Variants in WDR70 observed in about 807,000 individuals in gnomAD.
WDR70 encodes the protein WD repeat-containing protein 70.
Under a neutral mutation model 88.6 loss-of-function variants are expected in WDR70, and 53 were observed. The observed-to-expected ratio is 0.60, with a 90% confidence interval of 0.48 to 0.75. The LOEUF is 0.75. WDR70 is among the 30% of genes least tolerant of loss of function. WDR70 has a pLI of 0.00. For missense variants in WDR70, 610 were observed against 823.2 expected, an observed-to-expected ratio of 0.74 and a Z score of 3.17; for synonymous variants, 280 against 270.0, an observed-to-expected ratio of 1.04 and a Z score of -0.36.
At chr5:37,457,676 AAG>A (rs1738884832) in intron 7 of WDR70, among the ~76,000 whole-genome samples, 1 of 152,206 alleles carries the variant, frequency 6.6e-6, no homozygotes, top group Admixed American at 6.5e-5. Flanking sequence ...TTTTCAGCAC[AAG>A]AGTCTGATAA....
chr5:37,431,883 A>G (rs761371656), intron 5 of WDR70, among the ~76,000 whole-genome samples: 31 of 152,188 alleles, frequency 2.0e-4, no homozygotes, highest in Admixed American at 5.9e-4. Flanking sequence ...CATGTGTCGG[A>G]ATTTTCTTTC....
At chr5:37,416,456 G>A (rs558022684) in intron 5 of WDR70, among the ~76,000 whole-genome samples, 1 of 152,200 alleles carries the variant, frequency 6.6e-6, no homozygotes, top group South Asian at 2.1e-4. Context: ...CGAGATGGCA[G>A]CAGTACAGTC....
intron 9 of WDR70, among the ~76,000 whole-genome samples, chr5:37,526,876 C>T (rs1039760253): frequency 6.6e-6 from 1 of 152,292 alleles, no homozygotes; most frequent in Admixed American, 6.5e-5. Context: ...AACTCCCATT[C>T]ACAATTGCTT....
At chr5:37,463,217 A>G (rs990212824) in intron 7 of WDR70, among the ~76,000 whole-genome samples, 1 of 151,970 alleles carries the variant, frequency 6.6e-6, no homozygotes, top group African/African-American at 2.4e-5. Flanking sequence ...GGTTGCAGTG[A>G]GCTGAGATCG....
rs76729914 is a variant in WDR70 at position 37,413,255 on chromosome 5, A to C, written c.492+16685A>C. 8.6e-3 allele frequency among the ~76,000 whole-genome samples: 1,315 copies of C among 152,268 alleles called. 21 individuals are homozygous for C. The highest frequency in any genetic ancestry group is 0.03 in the African/African-American group (1,242 of 41,554). ...ATCCAGTTTTTCCCTTTGCCTGTCTATAGTGGAAGGAAAAAAAAGAATCTT... is the reference window on the plus strand; with the variant it reads ...ATCCAGTTTTTCCCTTTGCCTGTCTCTAGTGGAAGGAAAAAAAAGAATCTT... On this transcript the variant is annotated intron_variant, in intron 5 of 17. Coordinates refer to ENST00000265107, the MANE Select transcript of WDR70 (RefSeq NM_018034.4).
At chr5:37,438,731 C>A (rs1750559728) in intron 6 of WDR70, among the ~76,000 whole-genome samples, 2 of 151,924 alleles carry the variant, frequency 1.3e-5, no homozygotes, top group South Asian at 4.2e-4. Flanking sequence ...CAGGGTCATT[C>A]TTACAGTTTT....
chr5:37,693,709 G>C (rs1746887997), intron 10 of WDR70, among the ~76,000 whole-genome samples: 1 of 152,166 alleles, frequency 6.6e-6, no homozygotes, highest in Admixed American at 6.5e-5. Context: ...ATTAATTCAA[G>C]ATGGATTAAA....
At chr5:37,676,424 C>A (rs57214650) in intron 10 of WDR70, among the ~76,000 whole-genome samples, 4 of 151,912 alleles carry the variant, frequency 2.6e-5, no homozygotes, top group Non-Finnish European at 4.4e-5. Flanking sequence ...TACCTAATTT[C>A]TTGAGAGTTT....
intron 10 of WDR70, among the ~76,000 whole-genome samples, chr5:37,680,359 T>C (rs1399336611): frequency 6.6e-6 from 1 of 152,224 alleles, no homozygotes; most frequent in African/African-American, 2.4e-5. Context: ...GTCTGTTTAC[T>C]CTGTTGATAG....
intron 10 of WDR70, among the ~76,000 whole-genome samples, chr5:37,687,330 G>A (rs995231324): frequency 6.6e-6 from 1 of 152,090 alleles, no homozygotes; most frequent in Non-Finnish European, 1.5e-5. Flanking sequence ...AAGACATTGT[G>A]CCTCTTTGTT....
chr5:37,671,763 T>A (rs1479701788), intron 10 of WDR70, among the ~76,000 whole-genome samples: 1 of 152,188 alleles, frequency 6.6e-6, no homozygotes, highest in Admixed American at 6.5e-5. Flanking sequence ...ACTGACTGAC[T>A]TTTGGTACCA....
At chr5:37,499,468 T>C (rs954147978) in intron 8 of WDR70, among the ~76,000 whole-genome samples, 1 of 152,024 alleles carries the variant, frequency 6.6e-6, no homozygotes, top group African/African-American at 2.4e-5. Flanking sequence ...TCAATTTTTT[T>C]CTGCTCAGAT....
At chr5:37,675,875 G>C (rs1163156874) in intron 10 of WDR70, among the ~76,000 whole-genome samples, 3 of 152,102 alleles carry the variant, frequency 2.0e-5, no homozygotes, top group African/African-American at 7.3e-5. Flanking sequence ...AGCATGGAAT[G>C]TTCTTCCATT....
chr5:37,396,796 A>C (rs953931826), intron 5 of WDR70, among the ~76,000 whole-genome samples: 2 of 151,994 alleles, frequency 1.3e-5, no homozygotes, highest in Non-Finnish European at 1.5e-5. Flanking sequence ...GTGCCACTGC[A>C]CTCCAGCCTG....
chr5:37,480,504 G>T (rs766420269), intron 8 of WDR70, among the ~76,000 whole-genome samples: 3 of 152,198 alleles, frequency 2.0e-5, no homozygotes, highest in Non-Finnish European at 2.9e-5. Context: ...GTGCAAAGTC[G>T]TGTCTTACAT....
intron 8 of WDR70, among the ~76,000 whole-genome samples, chr5:37,510,811 AT>A (rs992481914): frequency 1.3e-5 from 2 of 152,048 alleles, no homozygotes; most frequent in African/African-American, 4.8e-5. Flanking sequence ...TTTCCTTGAC[AT>A]TTTTTGAGGA....
intron 10 of WDR70, among the ~76,000 whole-genome samples, chr5:37,672,602 T>G (rs1430225348): frequency 6.6e-6 from 1 of 152,176 alleles, no homozygotes; most frequent in Non-Finnish European, 1.5e-5. Context: ...TTGAACTTAT[T>G]TGTGACACAG....
At chr5:37,591,925 A>G (rs1038996487) in intron 9 of WDR70, among the ~76,000 whole-genome samples, 5 of 152,262 alleles carry the variant, frequency 3.3e-5, no homozygotes, top group African/African-American at 1.2e-4. Flanking sequence ...GAGAAAAGGT[A>G]TATCATCATC....
intron 13 of WDR70, among the ~76,000 whole-genome samples, chr5:37,711,997 T>C (rs1434409701): frequency 3.4e-5 from 5 of 147,480 alleles, no homozygotes; most frequent in Non-Finnish European, 7.5e-5. Flanking sequence ...CTTTTTTTTT[T>C]TTTTTTTTTT....
Sources: gnomAD v4.1 joint callset for allele counts (sites outside exome capture counted in the v4.1 genomes callset) on GRCh38, gnomAD v4.1.1 for gene constraint, MANE v1.5 for transcripts, NCBI Gene and HGNC (gene_info 2026-07-23, HGNC 2026-07-21) for gene names.